Variants in IL2RA observed in about 807,000 individuals in gnomAD.
The protein encoded by IL2RA is interleukin-2 receptor subunit alpha.
IL2RA carries 24 observed loss-of-function variants against 37.8 expected under a neutral mutation model. That is an observed-to-expected ratio of 0.63 (90% CI 0.46 to 0.89). IL2RA has a LOEUF of 0.89. IL2RA is among the 40% of genes least tolerant of loss of function. IL2RA has a pLI of 0.00. For missense variants in IL2RA, 319 were observed against 348.6 expected, an observed-to-expected ratio of 0.92 and a Z score of 0.68; for synonymous variants, 125 against 114.6, an observed-to-expected ratio of 1.09 and a Z score of -0.58.
At position 6,033,969 on chromosome 10, in the gene IL2RA, G is replaced by A. The variant is rs12722667; in HGVS notation, c.65-7944C>T. ...AATTATTCATTAGCACAAATAACCA[G>A]GATTGACCTCAGATGTTTTTGGAAT... On this transcript the variant is annotated intron_variant, in intron 1 of 7. Transcript: ENST00000379959. This position sits in a 1 kb window ranked among gnomAD's most constrained non-coding sequence, Gnocchi z 4.3. Among the ~76,000 whole-genome samples the A allele has an allele frequency of 9.1e-3, 1,385 of 152,226 alleles. 22 individuals carry two copies. The highest frequency in any genetic ancestry group is 0.032 in the African/African-American group (1,338 of 41,516).
Position 6,022,291 on chromosome 10 carries a change from C to T in IL2RA, c.368-598G>A, listed in dbSNP as rs868227925. On this transcript the variant is annotated intron_variant, in intron 3 of 7. Coordinates refer to ENST00000379959, the MANE Select transcript of IL2RA (RefSeq NM_000417.3). This position sits in a 1 kb window ranked among gnomAD's most constrained non-coding sequence, Gnocchi z 4.7. ...AGAGAAATGGAGCACCATCTCTGAT[C>T]AAGCCACACCTGAAGGTTGACACAC... Among the ~76,000 whole-genome samples the T allele has an allele frequency of 2.6e-5, 4 of 152,174 alleles. No homozygotes were observed. Among genetic ancestry groups the T allele is most frequent in the Admixed American group, 2.0e-4 (3 of 15,282 alleles).
In IL2RA at chr10:6,048,132, C is replaced by T. The variant is rs1188287178; in HGVS notation, c.64+13956G>A. ...CCCGTGGCCCCTGACCCTCAACTGC[C>T]CTTGTCATGTGCCCGTCATGCATCA... On this transcript the variant is annotated intron_variant, in intron 1 of 7. Coordinates refer to ENST00000379959, the MANE Select transcript of IL2RA (RefSeq NM_000417.3). The surrounding 1 kb of genome is among the most constrained non-coding windows in gnomAD (Gnocchi z 5.3). 6.6e-6 allele frequency among the ~76,000 whole-genome samples: 1 copy of T among 152,232 alleles called. No individual in the cohort carries two copies. Among genetic ancestry groups the T allele is most frequent in the Admixed American group, 6.5e-5 (1 of 15,288 alleles).
rs1185605071 is a variant in IL2RA at position 6,054,928 on chromosome 10, C to T, written c.64+7160G>A. Among the ~76,000 whole-genome samples, 1 of 152,064 alleles carries T rather than the reference C, an allele frequency of 6.6e-6. No homozygotes were observed. Among genetic ancestry groups the T allele is most frequent in the Non-Finnish European group, 1.5e-5 (1 of 68,028 alleles). On this transcript the variant is annotated intron_variant, in intron 1 of 7. Coordinates refer to ENST00000379959, the MANE Select transcript of IL2RA (RefSeq NM_000417.3). This position sits in a 1 kb window ranked among gnomAD's most constrained non-coding sequence, Gnocchi z 4.5. ...CCCAGGCTGGTTTTGAACTCCTGGGCTCATGGGATCCTCCTGCCTTGGCCT... is the reference window on the plus strand; with the variant it reads ...CCCAGGCTGGTTTTGAACTCCTGGGTTCATGGGATCCTCCTGCCTTGGCCT...
At chr10:6,019,132 C>G (rs561082644) in intron 6 of IL2RA, among the ~76,000 whole-genome samples, 1 of 146,302 alleles carries the variant, frequency 6.8e-6, no homozygotes, top group African/African-American at 2.8e-5. Context: ...GCCAACCAAC[C>G]TACCAACCAA....
rs981696759 is a variant in IL2RA, at chr10:6,020,018, G to A, written c.584-77C>T. ...CTCACTCCCACCCCGCCTGCCCCAGGCAGCCGGCCCCAGACACGCCCGAGG... is the reference window on the plus strand; with the variant it reads ...CTCACTCCCACCCCGCCTGCCCCAGACAGCCGGCCCCAGACACGCCCGAGG... On this transcript the variant is annotated intron_variant, in intron 4 of 7. Coordinates refer to ENST00000379959, the MANE Select transcript of IL2RA (RefSeq NM_000417.3). The surrounding 1 kb of genome is among the most constrained non-coding windows in gnomAD (Gnocchi z 5.6). The A allele has an allele frequency of 2.3e-6, 3 of 1,289,798 alleles. No homozygotes were observed. The highest frequency in any genetic ancestry group is 2.9e-5 in the African/African-American group (2 of 68,520). The allele number at this position is 1,289,798 out of a possible 1,614,324, so 79.9% of individuals were successfully genotyped here. A position where few individuals can be genotyped will look rare whatever the true frequency, so the allele number is the denominator to read the frequency against.
At position 6,058,362 on chromosome 10, in the gene IL2RA, G is replaced by A. The variant is rs1391820834; in HGVS notation, c.64+3726C>T. Among the ~76,000 whole-genome samples the A allele has an allele frequency of 1.3e-5, 2 of 152,176 alleles. No homozygotes were observed. The highest frequency in any genetic ancestry group is 2.9e-5 in the Non-Finnish European group (2 of 68,034). ...TTTCAATTCTCACATCTAAAATGAA[G>A]TATATGCACAGGTGATTTATCAAAC... On this transcript the variant is annotated intron_variant, in intron 1 of 7. Transcript: ENST00000379959. The surrounding 1 kb of genome is among the most constrained non-coding windows in gnomAD (Gnocchi z 4.2).
rs191060936 is a variant in IL2RA, at chr10:6,014,577, T to C, written c.795-1681A>G. Among the ~76,000 whole-genome samples, 11 of 152,060 alleles carry C rather than the reference T, an allele frequency of 7.2e-5. No homozygotes were observed. The highest frequency in any genetic ancestry group is 2.7e-4 in the African/African-American group (11 of 41,406). On this transcript the variant is annotated intron_variant, in intron 7 of 7. Transcript: ENST00000379959. The surrounding 1 kb of genome is among the most constrained non-coding windows in gnomAD (Gnocchi z 4.4). ...GGCTTTTGATCTTCAAACTAACAAA[T>C]GAAAAAAATCCTTGCAAGGTGTTAA...
intron 1 of IL2RA, among the ~76,000 whole-genome samples, chr10:6,026,752 G>A (rs575918233): frequency 6.6e-6 from 1 of 152,300 alleles, no homozygotes; most frequent in South Asian, 2.1e-4. Flanking sequence ...ATTTTGGGGG[G>A]AAATATCACA....
At chr10:6,037,086 C>A (rs1029294586) in intron 1 of IL2RA, among the ~76,000 whole-genome samples, 1 of 152,142 alleles carries the variant, frequency 6.6e-6, no homozygotes, top group East Asian at 1.9e-4. Flanking sequence ...GAGGACAGGA[C>A]TCCCATCCCT....
intron 1 of IL2RA, among the ~76,000 whole-genome samples, chr10:6,049,764 A>G (rs946704617): frequency 7.9e-5 from 12 of 152,230 alleles, no homozygotes; most frequent in Admixed American, 4.6e-4. Context: ...TTCGTAAAGG[A>G]AAGTAGAAAT....
In IL2RA at chr10:6,035,922, T is replaced by A. The variant is rs1433571737; in HGVS notation, c.65-9897A>T. 6.6e-6 allele frequency: 1 copy of A among 152,264 alleles called. No homozygotes were observed. The highest frequency in any genetic ancestry group is 1.9e-4 in the East Asian group (1 of 5,192). The allele number at this position is 152,264 out of a possible 1,614,324, so 9.4% of individuals were successfully genotyped here. On this transcript the variant is annotated intron_variant, in intron 1 of 7. Coordinates refer to ENST00000379959, the MANE Select transcript of IL2RA (RefSeq NM_000417.3). This position sits in a 1 kb window ranked among gnomAD's most constrained non-coding sequence, Gnocchi z 5.4. The stretch of plus-strand genomic sequence containing the variant: ...ACGATCATGGGTGTATCTTTCCTTG[T>A]GGATTTGTTGCCTCTAGGAGTTCTG...
rs1387240617 is a variant in IL2RA, at chr10:6,033,641, A to G, written c.65-7616T>C. On this transcript the variant is annotated intron_variant, in intron 1 of 7. Transcript: ENST00000379959. This position sits in a 1 kb window ranked among gnomAD's most constrained non-coding sequence, Gnocchi z 4.3. Reference sequence around the variant, plus strand: ...ATAATGAACTATTGATACAGGCAATATTGATAAATCTCAAAAATGTTATGT... The same window carrying G: ...ATAATGAACTATTGATACAGGCAATGTTGATAAATCTCAAAAATGTTATGT... Among the ~76,000 whole-genome samples, 1 of 152,262 alleles carries G rather than the reference A, an allele frequency of 6.6e-6. No individual in the cohort carries two copies. Among genetic ancestry groups the G allele is most frequent in the African/African-American group, 2.4e-5 (1 of 41,476 alleles).
Position 6,020,145 on chromosome 10 carries a change from G to A in IL2RA, c.584-204C>T, listed in dbSNP as rs2274037. On this transcript the variant is annotated intron_variant, in intron 4 of 7. Transcript: ENST00000379959. This position sits in a 1 kb window ranked among gnomAD's most constrained non-coding sequence, Gnocchi z 5.6. ...GTGAAGTGGTCTCAGCAGAGCAGAC[G>A]AGGCTGAATTCTAACTCTGACCCTA... Among the ~76,000 whole-genome samples the A allele has an allele frequency of 0.055, 8,363 of 152,226 alleles. 357 individuals carry two copies. Among genetic ancestry groups the A allele is most frequent in the Admixed American group, 0.15 (2,316 of 15,298 alleles).
At position 6,025,756 on chromosome 10, in the gene IL2RA, G is replaced by A; in HGVS notation, c.256+78C>T. On this transcript the variant is annotated intron_variant, in intron 2 of 7. Transcript: ENST00000379959. This position sits in a 1 kb window ranked among gnomAD's most constrained non-coding sequence, Gnocchi z 4.4. ...CTGGCCCATTTGTGTCTATAGGGCT[G>A]AGTGAACAAAAGCTGGGCTCTGTCT... 2 of 1,371,126 alleles carry A rather than the reference G, an allele frequency of 1.5e-6. No individual in the cohort carries two copies. The highest frequency in any genetic ancestry group is 2.1e-6 in the Non-Finnish European group (2 of 961,128). The allele number at this position is 1,371,126 out of a possible 1,614,324, so 84.9% of individuals were successfully genotyped here. A position where few individuals can be genotyped will look rare whatever the true frequency, so the allele number is the denominator to read the frequency against.
rs1839632117 is a variant in IL2RA at position 6,033,375 on chromosome 10, C to A, written c.65-7350G>T. 6.6e-6 allele frequency among the ~76,000 whole-genome samples: 1 copy of A among 152,028 alleles called. No individual in the cohort carries two copies. Among genetic ancestry groups the A allele is most frequent in the Non-Finnish European group, 1.5e-5 (1 of 67,984 alleles). ...TTTATTGACGTTAAATATATACCTG[C>A]CCTACAATTCAGCAATTCTACTTCT... On this transcript the variant is annotated intron_variant, in intron 1 of 7. Transcript: ENST00000379959. The surrounding 1 kb of genome is among the most constrained non-coding windows in gnomAD (Gnocchi z 4.3).
intron 1 of IL2RA, among the ~76,000 whole-genome samples, chr10:6,027,830 C>T (rs1839509535): frequency 1.3e-5 from 2 of 152,196 alleles, no homozygotes; most frequent in African/African-American, 4.8e-5. Flanking sequence ...TCACTGGTAC[C>T]ATTTGTTGGC....
intron 1 of IL2RA, among the ~76,000 whole-genome samples, chr10:6,037,239 T>C (rs1236620113): frequency 6.6e-6 from 1 of 152,096 alleles, no homozygotes. Context: ...GTCGGTTGAG[T>C]AACTTTTTGT....
rs1839693432 is a variant in IL2RA, at chr10:6,036,930, G to A, written c.65-10905C>T. On this transcript the variant is annotated intron_variant, in intron 1 of 7. Coordinates refer to ENST00000379959, the MANE Select transcript of IL2RA (RefSeq NM_000417.3). This position sits in a 1 kb window ranked among gnomAD's most constrained non-coding sequence, Gnocchi z 6.1. The stretch of plus-strand genomic sequence containing the variant: ...ATCTTGCAGACTGGGATTTGTCAGG[G>A]CAGGTGTGGACATTGAGGCTATTTC... 6.6e-6 allele frequency among the ~76,000 whole-genome samples: 1 copy of A among 152,186 alleles called. No homozygotes were observed. The highest frequency in any genetic ancestry group is 1.5e-5 in the Non-Finnish European group (1 of 68,036).
chr10:6,024,035 T>G (rs988059155), intron 3 of IL2RA, among the ~76,000 whole-genome samples: 2 of 152,198 alleles, frequency 1.3e-5, no homozygotes, highest in Admixed American at 6.5e-5. Flanking sequence ...CTGGATTGGC[T>G]GCCGTCAGAT....
Sources: gnomAD v4.1 joint callset for allele counts (sites outside exome capture counted in the v4.1 genomes callset) on GRCh38, gnomAD v4.1.1 for gene constraint, Gnocchi (gnomAD v3.1) non-coding constraint, MANE v1.5 for transcripts, NCBI Gene and HGNC (gene_info 2026-07-23, HGNC 2026-07-21) for gene names.